SIPA1L3: variants seen among roughly 807,000 people sequenced by gnomAD.
SIPA1L3 encodes signal-induced proliferation-associated 1-like protein 3.
Under a neutral mutation model 150.1 loss-of-function variants are expected in SIPA1L3, and 59 were observed. The observed-to-expected ratio is 0.39, with a 90% CI of 0.32 to 0.49. The LOEUF is 0.49. SIPA1L3 is among the 20% of genes least tolerant of loss of function. The pLI is 0.86. For missense variants in SIPA1L3, 2,211 were observed against 2,489.5 expected (o/e 0.89, Z 2.38); for synonymous variants, 1,070 against 1,077.6 (o/e 0.99, Z 0.14).
At chr19:38,181,707 G>A (rs772513813) in intron 15 of SIPA1L3, among the ~76,000 whole-genome samples, 4 of 151,946 alleles carry the variant, frequency 2.6e-5, no homozygotes, top group Non-Finnish European at 5.9e-5. Flanking sequence ...TTAGCTGGGC[G>A]TGGTGGCACA....
chr19:38,059,373 G>A (rs577446203), intron 2 of SIPA1L3, among the ~76,000 whole-genome samples: 18 of 138,074 alleles, frequency 1.3e-4, no homozygotes, highest in Non-Finnish European at 2.6e-4. Context: ...GCACTATCTC[G>A]GCTCACTGCA....
At chr19:38,008,099 C>T (rs997634622) in intron 1 of SIPA1L3, among the ~76,000 whole-genome samples, 8 of 151,926 alleles carry the variant, frequency 5.3e-5, no homozygotes, top group Non-Finnish European at 7.4e-5. Flanking sequence ...ATTGCAGATG[C>T]GGACCTCAGG....
intron 2 of SIPA1L3, among the ~76,000 whole-genome samples, chr19:38,038,122 G>C (rs1409861900): frequency 3.3e-5 from 5 of 152,138 alleles, no homozygotes; most frequent in African/African-American, 1.2e-4. Context: ...TCTAGTCTAG[G>C]CTGGAGATGC....
chr19:38,058,360 GC>G (rs1323439064), intron 2 of SIPA1L3, among the ~76,000 whole-genome samples: 8 of 152,056 alleles, frequency 5.3e-5, no homozygotes, highest in South Asian at 4.2e-4. Flanking sequence ...CAGTAGCCTG[GC>G]CCCACAACCC....
At chr19:38,154,401 G>A (rs1971895530) in intron 13 of SIPA1L3, among the ~76,000 whole-genome samples, 1 of 152,124 alleles carries the variant, frequency 6.6e-6, no homozygotes. Context: ...ATACACCTAG[G>A]AGTGAAATTT....
At chr19:38,179,878 T>C (rs1047566191) in intron 15 of SIPA1L3, among the ~76,000 whole-genome samples, 2 of 152,146 alleles carry the variant, frequency 1.3e-5, no homozygotes, top group Non-Finnish European at 2.9e-5. Flanking sequence ...AGTCTCACTC[T>C]GTCACCCAGG....
intron 2 of SIPA1L3, among the ~76,000 whole-genome samples, chr19:38,039,670 G>A (rs972273380): frequency 1.4e-5 from 2 of 144,692 alleles, no homozygotes; most frequent in Non-Finnish European, 3.0e-5. Context: ...CTCCAGCCTG[G>A]GCAACAGAGC....
In SIPA1L3 at chr19:38,046,832, A is replaced by G. The variant is rs1481414894; in HGVS notation, c.-311+17676A>G. On this transcript the variant is annotated intron_variant, in intron 2 of 21. Coordinates refer to ENST00000222345, the MANE Select transcript of SIPA1L3 (RefSeq NM_015073.3). The surrounding 1 kb of genome is among the most constrained non-coding windows in gnomAD (Gnocchi z 5.6). Reference sequence around the variant, plus strand: ...TACCCACAGCTGCCCGCTCAGAGCAAGGTGGCTCTGATCCTGCAGGAGGGG... The same window carrying G: ...TACCCACAGCTGCCCGCTCAGAGCAGGGTGGCTCTGATCCTGCAGGAGGGG... Among the ~76,000 whole-genome samples, 1 of 152,154 alleles carries G rather than the reference A, an allele frequency of 6.6e-6. No individual in the cohort carries two copies. Among genetic ancestry groups the G allele is most frequent in the Non-Finnish European group, 1.5e-5 (1 of 68,018 alleles).
intron 9 of SIPA1L3, among the ~76,000 whole-genome samples, chr19:38,124,367 T>C (rs578037426): frequency 0.022 from 2,817 of 126,240 alleles, 112 homozygotes; most frequent in African/African-American, 0.084. Flanking sequence ...CCAGACGGGG[T>C]GGCGGGGCAG....
intron 8 of SIPA1L3, among the ~76,000 whole-genome samples, chr19:38,117,884 C>T (rs1451807194): frequency 6.6e-6 from 1 of 152,118 alleles, no homozygotes; most frequent in African/African-American, 2.4e-5. Flanking sequence ...CTCCTAGATT[C>T]AAGTGATTCT....
intron 16 of SIPA1L3, among the ~76,000 whole-genome samples, chr19:38,190,125 G>T (rs1316260596): frequency 6.6e-6 from 1 of 152,120 alleles, no homozygotes; most frequent in African/African-American, 2.4e-5. Context: ...AGTGCAGAGA[G>T]CAAGCACATT....
chr19:38,001,252 TA>T (rs1387802726), intron 1 of SIPA1L3, among the ~76,000 whole-genome samples: 3 of 151,928 alleles, frequency 2.0e-5, no homozygotes, highest in African/African-American at 7.3e-5. Context: ...TGAGGCCTAT[TA>T]AATTTCTACC....
intron 2 of SIPA1L3, among the ~76,000 whole-genome samples, chr19:38,036,609 G>A (rs544236598): frequency 1.8e-3 from 271 of 152,292 alleles, no homozygotes; most frequent in Middle Eastern, 0.017. Context: ...CACACCTTCC[G>A]GTCGGTGATC....
intron 1 of SIPA1L3, among the ~76,000 whole-genome samples, chr19:38,002,752 GTA>G (rs1181791491): frequency 7.3e-6 from 1 of 137,434 alleles, no homozygotes; most frequent in Non-Finnish European, 1.6e-5. Context: ...AAATTTATAT[GTA>G]TATATATATA....
chr19:37,973,869 A>C (rs1426951812), intron 1 of SIPA1L3, among the ~76,000 whole-genome samples: 1 of 152,082 alleles, frequency 6.6e-6, no homozygotes, highest in Non-Finnish European at 1.5e-5. Flanking sequence ...TGGTGATGCT[A>C]TATTGGAACT....
At chr19:37,956,950 AT>A (rs1164588423) in intron 1 of SIPA1L3, among the ~76,000 whole-genome samples, 2 of 152,096 alleles carry the variant, frequency 1.3e-5, no homozygotes, top group African/African-American at 4.8e-5. Context: ...TGAATCTATC[AT>A]TAATTTTGAT....
intron 1 of SIPA1L3, among the ~76,000 whole-genome samples, chr19:37,924,670 T>TC (rs1375838868): frequency 6.9e-6 from 1 of 143,906 alleles, no homozygotes; most frequent in African/African-American, 2.6e-5. Context: ...AGGGCTAGAC[T>TC]CTATCTCAAA....
chr19:37,964,232 A>T (rs1391669137), intron 1 of SIPA1L3: 2 of 152,144 alleles, frequency 1.3e-5, no homozygotes, highest in Non-Finnish European at 2.9e-5. Context: ...GCAAGACCCC[A>T]TCTCTACAGA....
At chr19:38,204,063 T>C in intron 20 of SIPA1L3, 64 bp from the exon 21 acceptor site, 1 of 1,344,694 alleles carries the variant, frequency 7.4e-7, no homozygotes, top group Non-Finnish European at 1.0e-6. Flanking sequence ...TCCTCAGATG[T>C]GGGCCAGAAG....
Sources: gnomAD v4.1 joint callset for allele counts (sites outside exome capture counted in the v4.1 genomes callset) on GRCh38, gnomAD v4.1.1 for gene constraint, Gnocchi (gnomAD v3.1) non-coding constraint, MANE v1.5 for transcripts, NCBI Gene and HGNC (gene_info 2026-07-23, HGNC 2026-07-21) for gene names.